SNX16: variants seen among roughly 807,000 people sequenced by gnomAD.
The protein encoded by SNX16 is sorting nexin-16.
Under a neutral mutation model 36.7 loss-of-function variants are expected in SNX16, and 35 were observed. The observed-to-expected ratio is 0.95, with a 90% CI of 0.73 to 1.27. The LOEUF is 1.27. Ranked by LOEUF, SNX16 falls within the 50% of genes most tolerant of loss-of-function variation. The pLI, the probability that SNX16 is intolerant of heterozygous loss-of-function variation, is 0.00. For missense variants in SNX16, 367 were observed against 393.6 expected (o/e 0.93, Z 0.57); for synonymous variants, 134 against 132.0 (o/e 1.02, Z -0.10).
intron 4 of SNX16, among the ~76,000 whole-genome samples, chr8:81,817,353 TAG>T (rs1176600470): frequency 1.3e-5 from 2 of 152,208 alleles, no homozygotes; most frequent in Non-Finnish European, 2.9e-5. Flanking sequence ...TGGTTTACAG[TAG>T]AAATTTAGCC....
intron 2 of SNX16, among the ~76,000 whole-genome samples, chr8:81,833,953 T>C (rs1305035451): frequency 6.6e-6 from 1 of 152,200 alleles, no homozygotes; most frequent in Non-Finnish European, 1.5e-5. Context: ...ATAAAATATA[T>C]ACAAAAAGTG....
chr8:81,819,519 A>G (rs1213179046), intron 4 of SNX16, among the ~76,000 whole-genome samples: 1 of 151,966 alleles, frequency 6.6e-6, no homozygotes, highest in East Asian at 1.9e-4. Flanking sequence ...CCTCTGCGAA[A>G]CCTTTTCTAA....
At chr8:81,807,722 G>C in intron 5 of SNX16, 2 of 602,688 alleles carry the variant, frequency 3.3e-6, no homozygotes, top group Non-Finnish European at 3.0e-6. Flanking sequence ...CTTTCTGCCC[G>C]TGGATGCCGC....
intron 4 of SNX16, among the ~76,000 whole-genome samples, chr8:81,820,613 TG>T (rs762626634): frequency 0.034 from 5,176 of 152,092 alleles, 144 homozygotes; most frequent in Non-Finnish European, 0.052. Context: ...TATTTGTTTC[TG>T]ACTTATATCC....
chr8:81,818,419 G>A (rs1810585966), intron 4 of SNX16, among the ~76,000 whole-genome samples: 2 of 151,968 alleles, frequency 1.3e-5, no homozygotes, highest in African/African-American at 4.8e-5. Flanking sequence ...ATGTACAAAA[G>A]TTATCTTTAA....
chr8:81,823,847 A>T lies in SNX16; in HGVS notation c.556T>A (p.Leu186Ile). ...TTTTGAAGAAACGCTTGTAATCCTA[A>T]TTGTCTGTCTTCTAAAAAGTCAGCA... ...YNADFLEDRQ[L>I]GLQAFLQNLV... The change falls in exon 4 of 8, where the codon TTA (leucine) becomes ATA (isoleucine). Residue 186 changes from leucine to isoleucine, a missense_variant. Coordinates refer to ENST00000345957, the MANE Select transcript of SNX16 (RefSeq NM_152836.3). The T allele has an allele frequency of 6.2e-7, 1 of 1,612,184 alleles. No homozygotes were observed. Among genetic ancestry groups the T allele is most frequent in the Non-Finnish European group, 8.5e-7 (1 of 1,179,042 alleles).
chr8:81,814,652 T>C (rs1334145995), intron 5 of SNX16: 1 of 152,076 alleles, frequency 6.6e-6, no homozygotes, highest in Non-Finnish European at 1.5e-5. Flanking sequence ...GATGAAAATA[T>C]TACTCCAATA....
At chr8:81,809,469 A>G (rs1036215353) in intron 5 of SNX16, among the ~76,000 whole-genome samples, 1 of 152,088 alleles carries the variant, frequency 6.6e-6, no homozygotes, top group African/African-American at 2.4e-5. Flanking sequence ...TGTGAAAAGC[A>G]AAAGTTTACA....
rs759314573 is a variant in SNX16 at position 81,808,163 on chromosome 8, T to C, written c.682-4935A>G. On this transcript the variant is annotated intron_variant, in intron 5 of 7. Transcript: ENST00000345957. ...GATTATTTTGAACAGTGTGGAAAAA[T>C]GGAAGTGATTGAAATCATGACTGAC... 98 of 1,306,296 alleles carry C rather than the reference T, an allele frequency of 7.5e-5. 1 individual carries two copies. The highest frequency in any genetic ancestry group is 9.1e-5 in the Non-Finnish European group (83 of 916,642). The allele number at this position is 1,306,296 out of a possible 1,614,324, so 80.9% of individuals were successfully genotyped here. A position where few individuals can be genotyped will look rare whatever the true frequency, so the allele number is the denominator to read the frequency against.
At chr8:81,831,849 A>C (rs1241580823) in intron 2 of SNX16, among the ~76,000 whole-genome samples, 2 of 152,214 alleles carry the variant, frequency 1.3e-5, no homozygotes, top group African/African-American at 2.4e-5. Context: ...AGAAAAATGT[A>C]AATCAAAACC....
At chr8:81,829,613 C>A in intron 2 of SNX16, 97 bp from the exon 3 acceptor site, 2 of 437,256 alleles carry the variant, frequency 4.6e-6, no homozygotes, top group Non-Finnish European at 7.8e-6. Flanking sequence ...ACTTGATAAC[C>A]CAGACTATAA....
chr8:81,829,423 T>TAC lies in SNX16; in HGVS notation c.462+5_462+6dup. ...AAATGTTAGTTTGGATTTATTATAG[T>TAC]ACTTACTTTGTCATTAAGCCTAGAG... On this transcript the variant is annotated splice_region_variant and intron_variant, in intron 3 of 7. Coordinates refer to ENST00000345957, the MANE Select transcript of SNX16 (RefSeq NM_152836.3). 3.2e-6 allele frequency: 4 copies of TAC among 1,261,916 alleles called. No homozygotes were observed. The highest frequency in any genetic ancestry group is 3.2e-6 in the Non-Finnish European group (3 of 942,592). 78.2% of individuals were successfully genotyped at this position (1,261,916 alleles called of 1,614,324 possible). A position where few individuals can be genotyped will look rare whatever the true frequency, so the allele number is the denominator to read the frequency against.
chr8:81,808,061 G>C (rs1810049493), intron 5 of SNX16: 4 of 1,004,686 alleles, frequency 4.0e-6, no homozygotes, highest in Non-Finnish European at 6.2e-6. Flanking sequence ...GATTCTCAAA[G>C]ACCAGTTGCC....
chr8:81,804,277 C>T (rs1809837489), intron 5 of SNX16, among the ~76,000 whole-genome samples: 1 of 151,884 alleles, frequency 6.6e-6, no homozygotes, highest in Non-Finnish European at 1.5e-5. Context: ...AAATTATGTA[C>T]TTTAAGAAGT....
At chr8:81,839,471 A>T in intron 2 of SNX16, 141 bp downstream of exon 2, 1 of 877,292 alleles carries the variant, frequency 1.1e-6, no homozygotes, top group Non-Finnish European at 1.7e-6. Context: ...AACATGATAG[A>T]ATTCAGTGGT....
intron 4 of SNX16, among the ~76,000 whole-genome samples, chr8:81,819,398 C>G (rs1223668921): frequency 6.6e-6 from 1 of 152,092 alleles, no homozygotes; most frequent in African/African-American, 2.4e-5. Flanking sequence ...CCTGTACCTT[C>G]TTGCTTCTGC....
intron 2 of SNX16, among the ~76,000 whole-genome samples, chr8:81,835,188 C>T (rs1811438212): frequency 1.3e-5 from 2 of 152,210 alleles, no homozygotes; most frequent in African/African-American, 4.8e-5. Context: ...TATGTTGGCC[C>T]CTGTCAGCCA....
At chr8:81,840,224 T>C in intron 1 of SNX16, 142 bp from the exon 2 acceptor site, 1 of 400,016 alleles carries the variant, frequency 2.5e-6, no homozygotes, top group Non-Finnish European at 4.4e-6. Context: ...CAGTTGTCTT[T>C]AAGGACTCCT....
chr8:81,822,319 C>T (rs1810783777), intron 4 of SNX16, among the ~76,000 whole-genome samples: 1 of 151,926 alleles, frequency 6.6e-6, no homozygotes, highest in African/African-American at 2.4e-5. Context: ...TTTGAAGGCT[C>T]TGAGAAACAA....
Sources: gnomAD v4.1 joint callset for allele counts (sites outside exome capture counted in the v4.1 genomes callset) on GRCh38, gnomAD v4.1.1 for gene constraint, MANE v1.5 for transcripts, NCBI Gene and HGNC (gene_info 2026-07-23, HGNC 2026-07-21) for gene names.